DIP2B: variants seen among roughly 807,000 people sequenced by gnomAD.
DIP2B encodes disco-interacting protein 2 homolog B.
A neutral mutation model predicts 198.0 loss-of-function variants in DIP2B; 76 were observed. The ratio of observed to expected loss-of-function variants is 0.38; its 90% CI spans 0.32 to 0.46. The LOEUF (loss-of-function observed/expected upper bound fraction) is 0.46, where lower values mean the gene tolerates loss of function less well. Ranked by LOEUF, DIP2B falls within the 20% of genes least tolerant of loss-of-function variation. The pLI is 0.99. For synonymous variants in DIP2B, 701 were observed against 739.1 expected (o/e 0.95, Z 0.84); for missense variants, 1,559 against 1,978.4 (o/e 0.79, Z 4.02).
At chr12:50,714,815 A>G (rs1179814050) in intron 23 of DIP2B, among the ~76,000 whole-genome samples, 1 of 152,148 alleles carries the variant, frequency 6.6e-6, no homozygotes, top group South Asian at 2.1e-4. Context: ...CCGGTGGTGC[A>G]CACCTGTAGT....
At chr12:50,515,915 A>G (rs186262453) in intron 1 of DIP2B, among the ~76,000 whole-genome samples, 235 of 152,302 alleles carry the variant, frequency 1.5e-3, no homozygotes, top group African/African-American at 5.3e-3. Context: ...GTATTTCAGA[A>G]TGTCCACTTA....
At chr12:50,647,995 A>G (rs544842056) in intron 3 of DIP2B, among the ~76,000 whole-genome samples, 212 of 152,272 alleles carry the variant, frequency 1.4e-3, no homozygotes, top group African/African-American at 4.9e-3. Context: ...AGTACCAGCT[A>G]TGCGAGAGAC....
rs1940018814 is a variant in DIP2B, at chr12:50,730,377, T to G, written c.3642-992T>G. Among the ~76,000 whole-genome samples the G allele has an allele frequency of 3.6e-5, 4 of 110,238 alleles. No individual in the cohort carries two copies. The South Asian group carries it at 1.1e-3, about 30-fold the overall frequency. The allele number at this position is 110,238 out of a possible 152,430, so 72.3% of individuals were successfully genotyped here. A position where few individuals can be genotyped will look rare whatever the true frequency, so the allele number is the denominator to read the frequency against. On this transcript the variant is annotated intron_variant, in intron 30 of 37. Coordinates refer to ENST00000301180, the MANE Select transcript of DIP2B (RefSeq NM_173602.3). The stretch of plus-strand genomic sequence containing the variant: ...CTTTTTTTGTTTCTTTCTTTCTCTC[T>G]CTCTCTTTTTTTTTTTTTTTTAAAG...
At chr12:50,603,790 T>C (rs532981313) in intron 1 of DIP2B, among the ~76,000 whole-genome samples, 1 of 152,324 alleles carries the variant, frequency 6.6e-6, no homozygotes, top group East Asian at 1.9e-4. Context: ...AGGTATGACT[T>C]GGCCCACCAT....
intron 37 of DIP2B, among the ~76,000 whole-genome samples, chr12:50,743,857 A>C (rs1216516454): frequency 2.0e-5 from 3 of 152,246 alleles, no homozygotes; most frequent in Non-Finnish European, 4.4e-5. Context: ...TAAGGCCATC[A>C]GGAATCACTG....
At chr12:50,679,262 A>G (rs182344031) in intron 8 of DIP2B, 124 of 185,660 alleles carry the variant, frequency 6.7e-4, no homozygotes, top group Non-Finnish European at 1.1e-3. Flanking sequence ...AATAGGCACA[A>G]AATTCTGTAA....
intron 1 of DIP2B, among the ~76,000 whole-genome samples, chr12:50,564,444 A>C (rs758613019): frequency 3.9e-5 from 6 of 152,196 alleles, no homozygotes; most frequent in Admixed American, 1.3e-4. Context: ...AGATTGTGCA[A>C]CATTTCCTAT....
At chr12:50,524,704 C>T (rs1021851888) in intron 1 of DIP2B, among the ~76,000 whole-genome samples, 5 of 152,182 alleles carry the variant, frequency 3.3e-5, no homozygotes, top group African/African-American at 9.7e-5. Flanking sequence ...TAGCTGTAGA[C>T]AGAGAATAAC....
chr12:50,520,553 T>G (rs1958108217), intron 1 of DIP2B, among the ~76,000 whole-genome samples: 1 of 152,198 alleles, frequency 6.6e-6, no homozygotes, highest in Non-Finnish European at 1.5e-5. Flanking sequence ...CCTTCCATAG[T>G]TCTTTGCTTG....
intron 1 of DIP2B, among the ~76,000 whole-genome samples, chr12:50,601,386 C>T (rs1958935332): frequency 1.3e-5 from 2 of 151,824 alleles, no homozygotes; most frequent in East Asian, 3.9e-4. Flanking sequence ...GCTCTGTCAC[C>T]CAGACTGGAG....
Position 50,699,188 on chromosome 12 carries a change from A to G in DIP2B, c.2311A>G (p.Lys771Glu). 2 of 1,614,176 alleles carry G rather than the reference A, an allele frequency of 1.2e-6. No individual in the cohort carries two copies. The highest frequency in any genetic ancestry group is 8.5e-7 in the Non-Finnish European group (1 of 1,180,012). Residue 771 changes from lysine (K) to glutamate (E), a missense_variant, in exon 19 of 38, where the codon AAA (lysine) becomes GAA (glutamate). Transcript: ENST00000301180. ...GTACTTTGGGCTTGCTGGTGTGACA[A>G]AAAATACATTTGAGGTACATGATAT... is the stretch of plus-strand genomic sequence containing the variant. Reference protein sequence around the residue: ...MMYFGLAGVTKNTFEVIPVNS... With the variant: ...MMYFGLAGVTENTFEVIPVNS...
intron 4 of DIP2B, among the ~76,000 whole-genome samples, chr12:50,661,167 A>G (rs10783382): frequency 0.29 from 44,354 of 152,020 alleles, 6,696 homozygotes; most frequent in East Asian, 0.4. Context: ...AGATCTTGAT[A>G]TAGGCCTTTG....
chr12:50,546,896 A>G (rs1441773675), intron 1 of DIP2B, among the ~76,000 whole-genome samples: 1 of 152,236 alleles, frequency 6.6e-6, no homozygotes, highest in African/African-American at 2.4e-5. Flanking sequence ...GGTTTTATGT[A>G]TAAATAATTT....
intron 1 of DIP2B, among the ~76,000 whole-genome samples, chr12:50,610,864 G>A (rs1959025785): frequency 6.7e-6 from 1 of 149,776 alleles, no homozygotes; most frequent in Non-Finnish European, 1.5e-5. Context: ...GTGCAGTGGC[G>A]TGATCTTGGC....
At position 50,724,810 on chromosome 12, in the gene DIP2B, C is replaced by G; in HGVS notation, c.3324C>G (p.Thr1108=). 6.2e-7 allele frequency: 1 copy of G among 1,614,088 alleles called. No homozygotes were observed. Among genetic ancestry groups the G allele is most frequent in the Non-Finnish European group, 8.5e-7 (1 of 1,180,010 alleles). Residue 1108 remains threonine, a synonymous_variant, in exon 28 of 38, where the codon ACC becomes ACG. Coordinates refer to ENST00000301180, the MANE Select transcript of DIP2B (RefSeq NM_173602.3). ...SKAACILTSQ[T]LMRLLRSREA... ...CAGCCTGTATTCTCACCAGTCAGAC[C>G]CTAATGAGGCTACTGAGGTCCCGAG... is the stretch of plus-strand genomic sequence containing the variant.
intron 3 of DIP2B, among the ~76,000 whole-genome samples, chr12:50,642,947 G>A (rs1006263132): frequency 6.6e-6 from 1 of 152,142 alleles, no homozygotes; most frequent in Non-Finnish European, 1.5e-5. Flanking sequence ...TGGAGCCCAG[G>A]TTCAGCAGCA....
At chr12:50,706,026 C>T (rs1315096605) in intron 20 of DIP2B, among the ~76,000 whole-genome samples, 1 of 152,172 alleles carries the variant, frequency 6.6e-6, no homozygotes, top group African/African-American at 2.4e-5. Flanking sequence ...AAGAAAGGCA[C>T]CTACAGCATT....
At chr12:50,599,291 C>CAAA (rs531175439) in intron 1 of DIP2B, among the ~76,000 whole-genome samples, 1 of 99,768 alleles carries the variant, frequency 1.0e-5, no homozygotes. Flanking sequence ...GACCCTGTCT[C>CAAA]AAAAAAAAAA....
intron 9 of DIP2B, among the ~76,000 whole-genome samples, chr12:50,682,017 C>G (rs1939048840): frequency 1.3e-5 from 2 of 152,186 alleles, no homozygotes; most frequent in African/African-American, 4.8e-5. Flanking sequence ...AAACAAGTCT[C>G]ATGACGTAAT....
Sources: allele counts gnomAD v4.1 joint callset (sites outside exome capture counted in the v4.1 genomes callset), GRCh38; gene constraint gnomAD v4.1.1; transcripts MANE v1.5; gene names NCBI Gene and HGNC (gene_info 2026-07-23, HGNC 2026-07-21).